The following SUSD2 variants were observed in gnomAD, a reference collection of about 807,000 sequenced individuals.
The protein encoded by SUSD2 is sushi domain-containing protein 2.
A neutral mutation model predicts 93.8 loss-of-function variants in SUSD2; 86 were observed. The observed-to-expected ratio is 0.92, with a 90% CI of 0.77 to 1.10. The LOEUF is 1.10. Among genes scored for constraint, SUSD2 ranks in the 50% least tolerant of loss-of-function variants. The pLI is 0.00. For missense variants in SUSD2, 1,060 were observed against 1,137.0 expected (o/e 0.93, Z 0.97); for synonymous variants, 483 against 485.0 (o/e 1.00, Z 0.05).
At chr22:24,187,896 G>T in intron 12 of SUSD2, 53 bp downstream of exon 12, 4 of 1,603,586 alleles carry the variant, frequency 2.5e-6, no homozygotes, top group African/African-American at 2.7e-5. Flanking sequence ...ACCCCCCGGG[G>T]TGGCCAGATG....
chr22:24,185,828 T>G lies in SUSD2; in HGVS notation c.1238T>G (p.Val413Gly), dbSNP rs534265146. Residue 413 changes from valine (V) to glycine (G), a missense_variant, in exon 8 of 15, where the codon GTC becomes GGC. By Grantham distance (109) the Val-to-Gly change is moderately radical. Coordinates refer to ENST00000358321, the MANE Select transcript of SUSD2 (RefSeq NM_019601.4). ...VPSMSHWLYD[V>G]LSFYYCCLWA... ...AGCATGTCCCACTGGCTCTACGATGTCCTCAGCTTCTATTACTGCTGCCTC... is the reference window on the plus strand; with the variant it reads ...AGCATGTCCCACTGGCTCTACGATGGCCTCAGCTTCTATTACTGCTGCCTC... 1 of 1,609,108 alleles carries G rather than the reference T, an allele frequency of 6.2e-7. No individual in the cohort carries two copies. The highest frequency in any genetic ancestry group is 1.3e-5 in the African/African-American group (1 of 74,952).
rs200724614 is a variant in SUSD2, at chr22:24,187,409, C to G, written c.1850C>G (p.Pro617Arg). The change falls in exon 11 of 15, where the codon CCA (proline) becomes CGA (arginine). Residue 617 changes from proline to arginine, a missense_variant. Around this residue, in one of 2 missense-constraint regions of SUSD2, gnomAD observed 973 missense variants for 1,005.3 expected, o/e 0.97. Transcript: ENST00000358321. ...CTGCACAGCGGGCGCGTCCTGCCCC[C>G]AGGCACCAGTCCCCAGGAGCTGTTC... ...FTLHSGRVLP[P>R]GTSPQELFLF... The G allele has an allele frequency of 2.1e-4, 331 of 1,613,722 alleles. 1 individual carries two copies. The East Asian group carries it at 7.1e-3, about 35-fold the overall frequency.
chr22:24,183,126 C>T lies in SUSD2; in HGVS notation c.146C>T (p.Ser49Phe). 6.2e-7 allele frequency: 1 copy of T among 1,614,064 alleles called. No individual in the cohort carries two copies. Among genetic ancestry groups the T allele is most frequent in the South Asian group, 1.1e-5 (1 of 91,082 alleles). Reference sequence around the variant, plus strand: ...CCATGTTCCTGCCACCCGACGTGCTCTGGCCTTGGCACCTGCTGCTTGGAT... The same window carrying T: ...CCATGTTCCTGCCACCCGACGTGCTTTGGCCTTGGCACCTGCTGCTTGGAT... ...DGPCSCHPTCSGLGTCCLDFR... is the reference protein window; with the variant it reads ...DGPCSCHPTCFGLGTCCLDFR... The change falls in exon 2 of 15, where the codon TCT (serine) becomes TTT (phenylalanine). Residue 49 changes from serine (S) to phenylalanine (F), a missense_variant. Transcript: ENST00000358321.
chr22:24,183,050 C>T lies in SUSD2; in HGVS notation c.77-7C>T, dbSNP rs1373555342. ...CCGGGCCAGGCCCTCAGCATCCTCT[C>T]CTCCAGATGCCCAAGAGAGCTGCTC... On this transcript the variant is annotated splice_region_variant and splice_polypyrimidine_tract_variant and intron_variant, in intron 1 of 14. Coordinates refer to ENST00000358321, the MANE Select transcript of SUSD2 (RefSeq NM_019601.4). 2.0e-5 allele frequency: 33 copies of T among 1,612,424 alleles called. No homozygotes were observed. Among genetic ancestry groups the T allele is most frequent in the Non-Finnish European group, 2.5e-5 (29 of 1,179,570 alleles).
chr22:24,184,985 G>A lies in SUSD2; in HGVS notation c.782+45G>A, dbSNP rs534818373. The A allele has an allele frequency of 1.4e-5, 23 of 1,609,682 alleles. No individual in the cohort carries two copies. In the South Asian group the frequency reaches 1.4e-4, roughly 10 times the overall value. Reference sequence around the variant, plus strand: ...CAGGTGATGGCTGGAGGGCCTCGCCGCCCGAGGCCCATCATGCTTGCCTGG... The same window carrying A: ...CAGGTGATGGCTGGAGGGCCTCGCCACCCGAGGCCCATCATGCTTGCCTGG... On this transcript the variant is annotated intron_variant, in intron 5 of 14. Transcript: ENST00000358321.
At position 24,184,147 on chromosome 22, in the gene SUSD2, A is replaced by C; in HGVS notation, c.451A>C (p.Lys151Gln). The change falls in exon 4 of 15, where the codon AAA becomes CAA. Residue 151 changes from lysine to glutamine, a missense_variant. This residue lies in a region of SUSD2 where 973 missense variants were observed against 1,005.3 expected (regional missense o/e 0.97). Transcript: ENST00000358321. ...AGTWLAVHPN[K>Q]VSMMEKSELV... is the part of the protein sequence containing the mutation. The stretch of plus-strand genomic sequence containing the variant: ...CCTCCCCTGCCCAGTGCACCCCAAC[A>C]AAGTGTCAATGATGGAGAAGAGCGA... 6.2e-7 allele frequency: 1 copy of C among 1,612,186 alleles called. No homozygotes were observed. Among genetic ancestry groups the C allele is most frequent in the African/African-American group, 1.3e-5 (1 of 75,006 alleles).
chr22:24,187,946 G>T lies in SUSD2; in HGVS notation c.2165-13G>T, dbSNP rs1248851331. Reference sequence around the variant, plus strand: ...AGCTCAGGCCTGTTGTCTGCACTCTGTCCCCATCCCAGTGGTGTCCTGTGG... The same window carrying T: ...AGCTCAGGCCTGTTGTCTGCACTCTTTCCCCATCCCAGTGGTGTCCTGTGG... On this transcript the variant is annotated splice_polypyrimidine_tract_variant and intron_variant, in intron 12 of 14. Transcript: ENST00000358321. 6.2e-7 allele frequency: 1 copy of T among 1,612,416 alleles called. No homozygotes were observed. Among genetic ancestry groups the T allele is most frequent in the Non-Finnish European group, 8.5e-7 (1 of 1,179,748 alleles).
chr22:24,188,303 T>A lies in SUSD2; in HGVS notation c.2420T>A (p.Leu807Gln). 1 of 1,606,434 alleles carries A rather than the reference T, an allele frequency of 6.2e-7. No individual in the cohort carries two copies. The highest frequency in any genetic ancestry group is 8.5e-7 in the Non-Finnish European group (1 of 1,176,904). ...VVAAVALVYV[L>Q]LRRRKGNTHV... Reference sequence around the variant, plus strand: ...GCGGCGGTTGCGCTCGTCTATGTGCTGCTGCGCCGCAGGAAGGGCAACACG... The same window carrying A: ...GCGGCGGTTGCGCTCGTCTATGTGCAGCTGCGCCGCAGGAAGGGCAACACG... The change falls in exon 14 of 15, where the codon CTG (leucine) becomes CAG (glutamine). Residue 807 changes from leucine to glutamine, a missense_variant. Leu to Gln is a moderately radical substitution (Grantham distance 113, BLOSUM62 -2). Around this residue, in one of 2 missense-constraint regions of SUSD2, gnomAD observed 973 missense variants for 1,005.3 expected, o/e 0.97. Transcript: ENST00000358321. The surrounding 1 kb of genome is among the most constrained non-coding windows in gnomAD (Gnocchi z 4.7).
At chr22:24,182,961 G>A (rs2047333835) in intron 1 of SUSD2, 96 bp from the exon 2 acceptor site, 3 of 1,044,256 alleles carry the variant, frequency 2.9e-6, no homozygotes, top group Non-Finnish European at 4.2e-6. Context: ...GGATGCTGCT[G>A]TCTAATGGGC....
In SUSD2 at chr22:24,184,856, C is replaced by T. The variant is rs1340308564; in HGVS notation, c.698C>T (p.Thr233Ile). The change falls in exon 5 of 15, where the codon ACC becomes ATC. Residue 233 changes from threonine to isoleucine, a missense_variant. By Grantham distance (89) the Thr-to-Ile change is moderately conservative (BLOSUM62 -1). Coordinates refer to ENST00000358321, the MANE Select transcript of SUSD2 (RefSeq NM_019601.4). ...HIPNSGSFTFTPKPAPPSYQR... is the reference protein window; with the variant it reads ...HIPNSGSFTFIPKPAPPSYQR... ...CCCAACTCCGGCTCTTTCACTTTCA[C>T]CCCAAAACCTGCTCCTCCCAGCTAC... The T allele has an allele frequency of 7.4e-6, 12 of 1,613,942 alleles. No homozygotes were observed. The highest frequency in any genetic ancestry group is 9.3e-6 in the Non-Finnish European group (11 of 1,180,012).
intron 4 of SUSD2, among the ~76,000 whole-genome samples, chr22:24,184,549 G>A (rs1413203504): frequency 6.6e-6 from 1 of 151,998 alleles, no homozygotes; most frequent in East Asian, 1.9e-4. Flanking sequence ...CCCCTGCACG[G>A]CTGGCATGGC....
rs1265942301 is a variant in SUSD2 at position 24,185,940 on chromosome 22, TC to T, written c.1339+14del. 3 of 1,568,760 alleles carry T rather than the reference TC, an allele frequency of 1.9e-6. No homozygotes were observed. The highest frequency in any genetic ancestry group is 2.7e-5 in the African/African-American group (2 of 74,140). On this transcript the variant is annotated intron_variant, in intron 8 of 14. Coordinates refer to ENST00000358321, the MANE Select transcript of SUSD2 (RefSeq NM_019601.4). ...GGCCCCCAAGACTGGGTGGGTGCCA[TC>T]CCGTGCCCCAGACCCTGGGAAAGAT...
chr22:24,184,739 G>C, intron 4 of SUSD2, 27 bp from the exon 5 acceptor site: 1 of 1,550,198 alleles, frequency 6.5e-7, no homozygotes, highest in Non-Finnish European at 8.7e-7. Flanking sequence ...AGGAACCCCA[G>C]GGCTAACCAG....
At chr22:24,182,787 C>T in intron 1 of SUSD2, 1 of 466,724 alleles carries the variant, frequency 2.1e-6, no homozygotes, top group South Asian at 2.5e-5. Context: ...CCCTGCAGGG[C>T]TGAGCGGATG....
Position 24,185,746 on chromosome 22 carries a change from C to G in SUSD2, c.1156C>G (p.Pro386Ala), listed in dbSNP as rs778152993. The change falls in exon 8 of 15, where the codon CCC becomes GCC. Residue 386 changes from proline to alanine, a missense_variant. Transcript: ENST00000358321. ...LTADSSGGST[P>A]DRGHDWGAPP... ...AGCTGACTCCAGCGGCGGCAGCACT[C>G]CCGACCGCGGCCATGACTGGGGCGC... 4 of 1,608,762 alleles carry G rather than the reference C, an allele frequency of 2.5e-6. No homozygotes were observed. The African/African-American group carries it at 5.3e-5, about 21-fold the overall frequency.
chr22:24,186,578 G>C (rs1448681771), intron 10 of SUSD2, 163 bp downstream of exon 10: 7 of 790,484 alleles, frequency 8.9e-6, no homozygotes, highest in South Asian at 1.8e-5. Flanking sequence ...TGCCCCCGTC[G>C]TACCCACCTG....
In SUSD2 at chr22:24,187,368, C is replaced by T. The variant is rs757901381; in HGVS notation, c.1809C>T (p.Pro603=). 3 of 1,613,972 alleles carry T rather than the reference C, an allele frequency of 1.9e-6. No homozygotes were observed. The highest frequency in any genetic ancestry group is 2.2e-5 in the East Asian group (1 of 44,892). ...HGLLGTLNND[P]TDDFTLHSGR... is the part of the protein sequence containing the mutation. The stretch of plus-strand genomic sequence containing the variant: ...TCCTCGGGACACTCAACAACGACCC[C>T]ACCGACGACTTCACCCTGCACAGCG... Residue 603 remains proline, a synonymous_variant, in exon 11 of 15, where the codon CCC becomes CCT. Transcript: ENST00000358321.
chr22:24,187,311 G>A lies in SUSD2; in HGVS notation c.1752G>A (p.Leu584=), dbSNP rs1255308971. 3.1e-6 allele frequency: 5 copies of A among 1,614,120 alleles called. No individual in the cohort carries two copies. Among genetic ancestry groups the A allele is most frequent in the Non-Finnish European group, 4.2e-6 (5 of 1,180,016 alleles). Residue 584 remains leucine (L), a synonymous_variant, in exon 11 of 15, where the codon CTG becomes CTA. Coordinates refer to ENST00000358321, the MANE Select transcript of SUSD2 (RefSeq NM_019601.4). ...CGTTCCTGAGTGTGTCCGTCCTGCT[G>A]CCTGAGAAGTTCCTCACCCACACCC... ...QGPFLSVSVL[L]PEKFLTHTHG...
intron 1 of SUSD2, 78 bp downstream of exon 1, chr22:24,181,673 G>A (rs920800559): frequency 1.7e-6 from 2 of 1,164,034 alleles, no homozygotes; most frequent in Middle Eastern, 1.9e-4. Flanking sequence ...CATCCCTCTG[G>A]GCTCAGCCTC....
Sources: gnomAD v4.1 joint callset for allele counts (sites outside exome capture counted in the v4.1 genomes callset) on GRCh38, gnomAD v4.1.1 for gene constraint, gnomAD v4.1.1 regional missense constraint, Gnocchi (gnomAD v3.1) non-coding constraint, MANE v1.5 for transcripts, NCBI Gene and HGNC (gene_info 2026-07-23, HGNC 2026-07-21) for gene names.